NRXN1: variants seen among roughly 807,000 people sequenced by gnomAD.
NRXN1 encodes neurexin-1.
A neutral mutation model predicts 150.9 loss-of-function variants in NRXN1; 39 were observed. That is an observed-to-expected ratio of 0.26 (90% CI 0.20 to 0.34). The LOEUF (loss-of-function observed/expected upper bound fraction) is 0.34, where lower values mean the gene tolerates loss of function less well. Among genes scored for constraint, NRXN1 ranks in the 10% least tolerant of loss-of-function variants. The pLI, the probability that NRXN1 is intolerant of heterozygous loss-of-function variation, is 1.00. For synonymous variants in NRXN1, 924 were observed against 757.0 expected (o/e 1.22, Z -3.62); for missense variants, 1,815 against 1,949.9 (o/e 0.93, Z 1.30).
chr2:51,003,249 TA>T (rs1700291665), intron 2 of NRXN1, among the ~76,000 whole-genome samples: 1 of 151,954 alleles, frequency 6.6e-6, no homozygotes. Flanking sequence ...GTGGACCAGT[TA>T]GGGGCACCAA....
At chr2:50,373,646 G>GA (rs1273965842) in intron 17 of NRXN1, among the ~76,000 whole-genome samples, 4 of 93,444 alleles carry the variant, frequency 4.3e-5, no homozygotes, top group East Asian at 7.2e-4. Flanking sequence ...AAGAAAGAAA[G>GA]AAAGAAAGAA....
In NRXN1 at chr2:49,932,946, T is replaced by C. The variant is rs114219315; in HGVS notation, c.4217-10695A>G. ...CAAAATTCAAACTCAGGTCTGTCTA[T>C]GGCTACTAATATTTTATATACTCAG... is the stretch of plus-strand genomic sequence containing the variant. On this transcript the variant is annotated intron_variant, in intron 22 of 22. Coordinates refer to ENST00000401669, the MANE Select transcript of NRXN1 (RefSeq NM_001330078.2). Among the ~76,000 whole-genome samples, 275 of 152,314 alleles carry C rather than the reference T, an allele frequency of 1.8e-3. 1 individual carries two copies. Among genetic ancestry groups the C allele is most frequent in the African/African-American group, 6.3e-3 (263 of 41,588 alleles).
chr2:50,417,649 T>G (rs936761726), intron 17 of NRXN1, among the ~76,000 whole-genome samples: 10 of 151,764 alleles, frequency 6.6e-5, no homozygotes, highest in Admixed American at 2.6e-4. Context: ...TAAATAAGTG[T>G]GAAAACCCTG....
At chr2:50,457,308 T>G (rs1160106136) in intron 17 of NRXN1, among the ~76,000 whole-genome samples, 1 of 152,122 alleles carries the variant, frequency 6.6e-6, no homozygotes, top group Non-Finnish European at 1.5e-5. Context: ...TAAAGTGCAC[T>G]TATTACTAAT....
At chr2:50,618,788 A>T (rs1275940827) in intron 8 of NRXN1, among the ~76,000 whole-genome samples, 1 of 150,494 alleles carries the variant, frequency 6.6e-6, no homozygotes, top group South Asian at 2.1e-4. Flanking sequence ...ATAAATAATA[A>T]TAATAATAAT....
chr2:50,145,840 C>A (rs1344797381), intron 18 of NRXN1, among the ~76,000 whole-genome samples: 1 of 151,462 alleles, frequency 6.6e-6, no homozygotes, highest in African/African-American at 2.4e-5. Context: ...TTTTTGCATG[C>A]ATTTGACAGC....
At chr2:49,922,846 A>C (rs1668462487) in intron 22 of NRXN1, among the ~76,000 whole-genome samples, 1 of 152,074 alleles carries the variant, frequency 6.6e-6, no homozygotes, top group Non-Finnish European at 1.5e-5. Flanking sequence ...ATTTTGTTGG[A>C]GATTCATTTG....
chr2:50,192,052 C>G (rs1559063229), intron 18 of NRXN1, among the ~76,000 whole-genome samples: 1 of 151,920 alleles, frequency 6.6e-6, no homozygotes, highest in Non-Finnish European at 1.5e-5. Context: ...AGGATTTTAT[C>G]TAAAATAGAA....
chr2:50,596,537 C>G (rs867555171), intron 8 of NRXN1, among the ~76,000 whole-genome samples: 2 of 152,198 alleles, frequency 1.3e-5, no homozygotes, highest in Non-Finnish European at 2.9e-5. Flanking sequence ...ATAGAAATGT[C>G]TAATTCCAGA....
chr2:50,620,257 T>G, intron 7 of NRXN1, 74 bp from the exon 8 acceptor site: 1 of 1,462,820 alleles, frequency 6.8e-7, no homozygotes, highest in Non-Finnish European at 9.3e-7. Flanking sequence ...TATGCCTGTT[T>G]TGTGTTTTGC....
At chr2:50,633,758 T>C (rs1682776833) in intron 5 of NRXN1, among the ~76,000 whole-genome samples, 2 of 152,064 alleles carry the variant, frequency 1.3e-5, no homozygotes, top group East Asian at 1.9e-4. Context: ...ATATTAGAAA[T>C]ACAACAGTAA....
At chr2:50,932,636 G>C (rs1166964881) in intron 2 of NRXN1, among the ~76,000 whole-genome samples, 2 of 152,024 alleles carry the variant, frequency 1.3e-5, no homozygotes, top group African/African-American at 4.8e-5. Context: ...AGTGTACACT[G>C]CTCGGGTGAT....
chr2:50,415,158 T>C (rs973527043), intron 17 of NRXN1, among the ~76,000 whole-genome samples: 3 of 151,944 alleles, frequency 2.0e-5, no homozygotes, highest in East Asian at 1.9e-4. Flanking sequence ...GCTTTTAAAA[T>C]TGAAAAAAGA....
intron 8 of NRXN1, among the ~76,000 whole-genome samples, chr2:50,573,963 G>T (rs1443552981): frequency 6.6e-6 from 1 of 152,022 alleles, no homozygotes; most frequent in East Asian, 1.9e-4. Flanking sequence ...TGGATGAGGA[G>T]GGGTCATGGA....
chr2:50,914,397 T>A (rs1684935620), intron 5 of NRXN1, among the ~76,000 whole-genome samples: 1 of 151,734 alleles, frequency 6.6e-6, no homozygotes, highest in Non-Finnish European at 1.5e-5. Context: ...CCTGAAAACG[T>A]CGCAATGAAT....
chr2:50,821,613 A>C (rs1318251833), intron 5 of NRXN1, among the ~76,000 whole-genome samples: 2 of 152,198 alleles, frequency 1.3e-5, no homozygotes, highest in African/African-American at 4.8e-5. Context: ...GTCTTGTGAA[A>C]GATGAGAACA....
chr2:50,084,729 G>A (rs570245909), intron 19 of NRXN1, among the ~76,000 whole-genome samples: 157 of 152,330 alleles, frequency 1.0e-3, no homozygotes, highest in African/African-American at 3.3e-3. Context: ...CACCGAGAGC[G>A]AGGGAGGGCT....
chr2:50,573,502 AT>A (rs1670961283), intron 8 of NRXN1, among the ~76,000 whole-genome samples: 1 of 152,122 alleles, frequency 6.6e-6, no homozygotes, highest in African/African-American at 2.4e-5. Flanking sequence ...AGAAATATAA[AT>A]GTATTAGAAG....
At chr2:50,128,342 A>T (rs1704921539) in intron 18 of NRXN1, among the ~76,000 whole-genome samples, 1 of 152,206 alleles carries the variant, frequency 6.6e-6, no homozygotes, top group Non-Finnish European at 1.5e-5. Flanking sequence ...CCATAGTATT[A>T]TATGCTCCGA....
Sources: gnomAD v4.1 joint callset for allele counts (sites outside exome capture counted in the v4.1 genomes callset) on GRCh38, gnomAD v4.1.1 for gene constraint, MANE v1.5 for transcripts, NCBI Gene and HGNC (gene_info 2026-07-23, HGNC 2026-07-21) for gene names.